Variants in RYR2 observed in about 807,000 individuals in gnomAD.
The protein encoded by RYR2 is ryanodine receptor 2, also known as cardiac muscle ryanodine receptor-calcium release channel.
In RYR2, 227 loss-of-function variants were observed where a neutral mutation model predicts 601.1. That is an observed-to-expected ratio of 0.38 (90% confidence interval 0.34 to 0.42). The LOEUF (loss-of-function observed/expected upper bound fraction) is 0.42. Ranked by LOEUF, RYR2 falls within the 10% of genes least tolerant of loss-of-function variation. RYR2 has a pLI of 1.00. For missense variants in RYR2, 4,646 were observed against 6,156.5 expected, an observed-to-expected ratio of 0.75 and a Z score of 8.21; for synonymous variants, 2,223 against 2,175.1, an observed-to-expected ratio of 1.02 and a Z score of -0.61.
chr1:237,185,544 T>A (rs894718297), intron 1 of RYR2, among the ~76,000 whole-genome samples: 3 of 150,446 alleles, frequency 2.0e-5, no homozygotes, highest in African/African-American at 7.5e-5. Context: ...AAAAGAAGCA[T>A]CTCTGACTCT....
rs1384500147 is a variant in RYR2 at position 237,648,621 on chromosome 1, T to C, written c.7512+8T>C. ...GCTGCTTCTTTAGATACGGTGAGAT[T>C]GGAGCGATGGACTTCCTCCTCTCTT... On this transcript the variant is annotated splice_region_variant and intron_variant, in intron 49 of 104. Coordinates refer to ENST00000366574, the MANE Select transcript of RYR2 (RefSeq NM_001035.3). The C allele has an allele frequency of 2.5e-6, 4 of 1,604,446 alleles. No individual in the cohort carries two copies. Among genetic ancestry groups the C allele is most frequent in the Non-Finnish European group, 3.4e-6 (4 of 1,174,654 alleles).
chr1:237,379,277 A>G (rs1281621176), intron 8 of RYR2, among the ~76,000 whole-genome samples: 1 of 152,194 alleles, frequency 6.6e-6, no homozygotes, highest in Non-Finnish European at 1.5e-5. Flanking sequence ...TTTATTTGAC[A>G]GGATGGCATC....
At chr1:237,193,692 A>G (rs1052046841) in intron 1 of RYR2, among the ~76,000 whole-genome samples, 1 of 152,160 alleles carries the variant, frequency 6.6e-6, no homozygotes, top group African/African-American at 2.4e-5. Flanking sequence ...TATGTAACTC[A>G]CATTTCTTAT....
At chr1:237,278,598 T>A (rs1057361691) in intron 2 of RYR2, among the ~76,000 whole-genome samples, 20 of 152,178 alleles carry the variant, frequency 1.3e-4, no homozygotes, top group African/African-American at 4.8e-4. Context: ...TAAGTGAATA[T>A]AATTTGTACT....
intron 87 of RYR2, among the ~76,000 whole-genome samples, chr1:237,777,092 A>T (rs188980748): frequency 6.6e-6 from 1 of 152,298 alleles, no homozygotes. Flanking sequence ...CTGAGCTCAC[A>T]TGATGGTTCT....
At chr1:237,698,487 A>G (rs1260876797) in intron 63 of RYR2, among the ~76,000 whole-genome samples, 1 of 152,094 alleles carries the variant, frequency 6.6e-6, no homozygotes, top group East Asian at 1.9e-4. Context: ...CCTTCATGCA[A>G]TGGAATTCAG....
rs116061536 is a variant in RYR2 at position 237,693,069 on chromosome 1, C to T, written c.9067+5565C>T. ...TAGAGAAGGTAGATAAGTACGCAGA[C>T]ACTTACTATGAGACAAGTGCTAAGA... On this transcript the variant is annotated intron_variant, in intron 63 of 104. Transcript: ENST00000366574. 4.6e-3 allele frequency among the ~76,000 whole-genome samples: 701 copies of T among 152,300 alleles called. 5 individuals carry two copies. Among genetic ancestry groups the T allele is most frequent in the African/African-American group, 0.016 (668 of 41,562 alleles).
chr1:237,387,252 G>A, intron 8 of RYR2, 29 bp from the exon 9 acceptor site: 1 of 1,603,280 alleles, frequency 6.2e-7, no homozygotes, highest in African/African-American at 1.3e-5. Context: ...AGAGCCTGAA[G>A]TGATGCCTCC....
chr1:237,566,257 G>T (rs968046055), intron 27 of RYR2, among the ~76,000 whole-genome samples: 4 of 151,946 alleles, frequency 2.6e-5, no homozygotes, highest in African/African-American at 9.7e-5. Flanking sequence ...AAGCACCAAG[G>T]CACTTGGGTT....
chr1:237,601,863 A>G (rs1020744250), intron 34 of RYR2, among the ~76,000 whole-genome samples, 162 bp from the exon 35 acceptor site: 5 of 152,210 alleles, frequency 3.3e-5, no homozygotes, highest in African/African-American at 9.6e-5. Context: ...TTCACATAGT[A>G]ATGAAATACT....
chr1:237,199,535 G>C lies in RYR2; in HGVS notation c.49-70962G>C, dbSNP rs1572177529. Among the ~76,000 whole-genome samples the C allele has an allele frequency of 3.3e-5, 5 of 152,322 alleles. No homozygotes were observed. In the South Asian group the frequency reaches 1.0e-3, roughly 32 times the overall value. ...TTTTCTGCCTGCTTTTATTCTGGCT[G>C]TGCTGGCAGCTTATTAGCTGGTGCC... On this transcript the variant is annotated intron_variant, in intron 1 of 104. Coordinates refer to ENST00000366574, the MANE Select transcript of RYR2 (RefSeq NM_001035.3).
intron 96 of RYR2, among the ~76,000 whole-genome samples, chr1:237,795,648 G>A (rs975036032): frequency 2.6e-5 from 4 of 150,984 alleles, no homozygotes; most frequent in East Asian, 1.9e-4. Context: ...ATGGGGTTTC[G>A]CCATGTTGGC....
intron 50 of RYR2, 129 bp from the exon 51 acceptor site, chr1:237,651,282 C>T (rs1682703082): frequency 1.5e-6 from 1 of 671,352 alleles, no homozygotes; most frequent in African/African-American, 1.8e-5. Context: ...GGACAAAGAA[C>T]ATCTAATGAA....
intron 11 of RYR2, among the ~76,000 whole-genome samples, chr1:237,418,606 T>C (rs1275706540): frequency 6.6e-6 from 1 of 152,182 alleles, no homozygotes. Context: ...AAGTATCCAA[T>C]TGACTGTAAG....
chr1:237,166,263 T>A (rs1210918936), intron 1 of RYR2, among the ~76,000 whole-genome samples: 1 of 152,194 alleles, frequency 6.6e-6, no homozygotes, highest in Admixed American at 6.5e-5. Flanking sequence ...TTCTCTGATA[T>A]TATTTGTCAG....
In RYR2 at chr1:237,492,882, A is replaced by AG. The variant is rs1301506331; in HGVS notation, c.1828-70dup. The AG allele has an allele frequency of 3.3e-4, 447 of 1,348,590 alleles. 8 individuals are homozygous for AG. In the African/African-American group the frequency reaches 6.7e-3, roughly 20 times the overall value. 83.5% of individuals were successfully genotyped at this position (1,348,590 alleles called of 1,614,324 possible). ...AAGGAAGGAAGGAAGAAGGGAAGGA[A>AG]GGAAGGGAGGGAGGGAGGGAGGGAA... On this transcript the variant is annotated intron_variant, in intron 18 of 104. Transcript: ENST00000366574.
intron 1 of RYR2, among the ~76,000 whole-genome samples, chr1:237,122,885 T>A (rs1670968170): frequency 6.6e-6 from 1 of 152,170 alleles, no homozygotes; most frequent in South Asian, 2.1e-4. Context: ...ATGTTTTCTC[T>A]GAGAAAAATT....
At chr1:237,524,585 C>T (rs1214011031) in intron 24 of RYR2, among the ~76,000 whole-genome samples, 1 of 152,164 alleles carries the variant, frequency 6.6e-6, no homozygotes, top group Non-Finnish European at 1.5e-5. Flanking sequence ...TAACCTTTAG[C>T]AGCTCCTAGT....
At chr1:237,087,356 T>TCTC (rs151216651) in intron 1 of RYR2, among the ~76,000 whole-genome samples, 3,806 of 152,094 alleles carry the variant, frequency 0.025, 98 homozygotes, top group African/African-American at 0.066. Context: ...TTCACTTTCC[T>TCTC]CTCCTCCTCC....
Sources: gnomAD v4.1 joint callset for allele counts (sites outside exome capture counted in the v4.1 genomes callset) on GRCh38, gnomAD v4.1.1 for gene constraint, MANE v1.5 for transcripts, NCBI Gene and HGNC (gene_info 2026-07-23, HGNC 2026-07-21) for gene names.